The following SEC24D variants were observed in gnomAD, a reference collection of about 807,000 sequenced individuals.
SEC24D encodes the protein SEC24 homolog D, COPII component, also known as protein transport protein Sec24D.
In SEC24D, 69 loss-of-function variants were observed where a neutral mutation model predicts 116.9. The ratio of observed to expected loss-of-function variants is 0.59; its 90% CI spans 0.49 to 0.72. SEC24D has a LOEUF of 0.72. Among genes scored for constraint, SEC24D ranks in the 30% least tolerant of loss-of-function variants. The probability of loss-of-function intolerance (pLI) is 0.00; values close to 1 mark genes in which losing one functional copy is unlikely to be tolerated. For synonymous variants in SEC24D, 405 were observed against 442.8 expected (o/e 0.91, Z 1.07); for missense variants, 1,131 against 1,264.1 (o/e 0.89, Z 1.60).
intron 19 of SEC24D, chr4:118,736,021 C>CTTTT (rs70944808): frequency 6.6e-4 from 48 of 72,816 alleles, no homozygotes; most frequent in African/African-American, 2.2e-3. Context: ...AGTTATATGT[C>CTTTT]TTTTTTTTTT....
intron 21 of SEC24D, chr4:118,730,185 T>C (rs535612931): frequency 4.6e-5 from 7 of 152,230 alleles, no homozygotes; most frequent in East Asian, 1.9e-4. Flanking sequence ...GGAAGCTTCC[T>C]TAACTTTTAT....
intron 7 of SEC24D, among the ~76,000 whole-genome samples, chr4:118,804,889 C>T (rs997051140): frequency 5.3e-5 from 3 of 56,222 alleles, no homozygotes; most frequent in Non-Finnish European, 9.8e-5. Flanking sequence ...CATGCATACA[C>T]ACACACACAC....
intron 22 of SEC24D, among the ~76,000 whole-genome samples, chr4:118,725,398 C>G (rs1481912390): frequency 1.3e-5 from 2 of 152,164 alleles, no homozygotes; most frequent in African/African-American, 4.8e-5. Context: ...CCACCCTCTC[C>G]CACATGCCAC....
chr4:118,806,609 A>G (rs114197955), intron 6 of SEC24D, among the ~76,000 whole-genome samples: 1,583 of 152,102 alleles, frequency 0.01, 14 homozygotes, highest in Non-Finnish European at 0.017. Flanking sequence ...TTGGTGTTAC[A>G]GGTGTGAGCC....
intron 6 of SEC24D, among the ~76,000 whole-genome samples, chr4:118,811,602 T>A (rs1251765712): frequency 6.6e-6 from 1 of 152,200 alleles, no homozygotes; most frequent in Non-Finnish European, 1.5e-5. Flanking sequence ...AAGAGGAAAA[T>A]TCTGCTTCCA....
Position 118,815,612 on chromosome 4 carries a change from A to C in SEC24D, c.512T>G (p.Leu171Arg). The change falls in exon 5 of 23, where the codon CTT (leucine) becomes CGT (arginine). Residue 171 changes from leucine (L) to arginine (R), a missense_variant. Physicochemically the swap from Leu to Arg is moderately radical, Grantham distance 102. Coordinates refer to ENST00000280551, the MANE Select transcript of SEC24D (RefSeq NM_014822.4). ...ATTGAGTGTGGTGGGTGGTGGTGGA[A>C]GAACTTGAGATCCAGGCTGCAAAAT... ...PSILQPGSQV[L>R]PPPPTTLNGP... The C allele has an allele frequency of 6.2e-7, 1 of 1,614,168 alleles. No homozygotes were observed. The highest frequency in any genetic ancestry group is 8.5e-7 in the Non-Finnish European group (1 of 1,180,020).
At chr4:118,774,267 G>A (rs1312403168) in intron 8 of SEC24D, among the ~76,000 whole-genome samples, 7 of 151,706 alleles carry the variant, frequency 4.6e-5, no homozygotes, top group Non-Finnish European at 7.4e-5. Flanking sequence ...TATTAGATTT[G>A]GATACCTCTT....
At chr4:118,729,117 C>CTT (rs375529439) in intron 21 of SEC24D, 6 of 144,886 alleles carry the variant, frequency 4.1e-5, no homozygotes, top group Admixed American at 3.5e-4. Flanking sequence ...TATAAGTAAT[C>CTT]TTTTTTTTTT....
At chr4:118,773,612 C>A (rs1355750414) in intron 8 of SEC24D, among the ~76,000 whole-genome samples, 2 of 152,154 alleles carry the variant, frequency 1.3e-5, no homozygotes, top group African/African-American at 2.4e-5. Context: ...TAATCCAGAA[C>A]CTGTGATGAA....
At chr4:118,826,191 T>C (rs750152396) in intron 2 of SEC24D, among the ~76,000 whole-genome samples, 1 of 152,138 alleles carries the variant, frequency 6.6e-6, no homozygotes, top group Admixed American at 6.6e-5. Context: ...AGCACTACAC[T>C]TTAATACAAA....
At chr4:118,787,655 T>A (rs1728712110) in intron 8 of SEC24D, among the ~76,000 whole-genome samples, 1 of 152,014 alleles carries the variant, frequency 6.6e-6, no homozygotes, top group African/African-American at 2.4e-5. Context: ...TTACAAAAAA[T>A]ACAAAAATTA....
At chr4:118,784,832 G>T (rs929598659) in intron 8 of SEC24D, among the ~76,000 whole-genome samples, 3 of 151,130 alleles carry the variant, frequency 2.0e-5, no homozygotes, top group South Asian at 4.2e-4. Flanking sequence ...ACACTGGAGT[G>T]GGGGGAGAAT....
Position 118,731,248 on chromosome 4 carries a change from CATAA to C in SEC24D, c.2868+64_2868+67del, listed in dbSNP as rs201791424. ...TTTCTTTCTGTAATATTTGACTGCA[CATAA>C]ATAAAAACATTTACGAATTTATATT... On this transcript the variant is annotated intron_variant, in intron 21 of 22. Transcript: ENST00000280551. 3,364 of 1,308,358 alleles carry C rather than the reference CATAA, an allele frequency of 2.6e-3. 62 individuals carry two copies. In the African/African-American group the frequency reaches 0.039, roughly 15 times the overall value. The allele number at this position is 1,308,358 out of a possible 1,614,324, so 81.0% of individuals were successfully genotyped here.
Position 118,826,846 on chromosome 4 carries a change from G to A in SEC24D, c.119-2097C>T, listed in dbSNP as rs557183815. Among the ~76,000 whole-genome samples, 15 of 152,068 alleles carry A rather than the reference G, an allele frequency of 9.9e-5. No individual in the cohort carries two copies. In the East Asian group the frequency reaches 2.7e-3, roughly 27 times the overall value. On this transcript the variant is annotated intron_variant, in intron 2 of 22. Transcript: ENST00000280551. ...ATGGCAGTGATTCAAATCATTCTGT[G>A]GCATTCTCAAATCATTCTCATTATT...
intron 8 of SEC24D, among the ~76,000 whole-genome samples, chr4:118,779,220 TATG>T (rs1272889262): frequency 5.9e-5 from 9 of 152,216 alleles, no homozygotes; most frequent in Admixed American, 2.0e-4. Flanking sequence ...GCCCATTCAG[TATG>T]ATATTGGCTG....
intron 8 of SEC24D, among the ~76,000 whole-genome samples, chr4:118,792,389 G>A (rs1235350633): frequency 6.6e-6 from 1 of 152,222 alleles, no homozygotes; most frequent in Non-Finnish European, 1.5e-5. Context: ...CTTCTGGGAG[G>A]TGTACCCAAT....
chr4:118,747,252 C>G (rs1726579229), intron 13 of SEC24D, among the ~76,000 whole-genome samples: 1 of 144,624 alleles, frequency 6.9e-6, no homozygotes. Context: ...GTGAATTTAT[C>G]ATTTCTGTAG....
At chr4:118,827,481 C>G (rs185264458) in intron 2 of SEC24D, among the ~76,000 whole-genome samples, 2 of 152,348 alleles carry the variant, frequency 1.3e-5, no homozygotes, top group East Asian at 3.9e-4. Flanking sequence ...GTCTCTCACA[C>G]AGCGGCAGAT....
intron 21 of SEC24D, chr4:118,729,325 A>C (rs1026988394): frequency 1.3e-5 from 2 of 152,156 alleles, no homozygotes; most frequent in Non-Finnish European, 2.9e-5. Flanking sequence ...ATACCATGCC[A>C]TTTTATATGA....
Sources: allele counts gnomAD v4.1 joint callset (sites outside exome capture counted in the v4.1 genomes callset), GRCh38; gene constraint gnomAD v4.1.1; transcripts MANE v1.5; gene names NCBI Gene and HGNC (gene_info 2026-07-23, HGNC 2026-07-21).